TICRR: variants seen among roughly 807,000 people sequenced by gnomAD.
The protein encoded by TICRR is TOPBP1 interacting checkpoint and replication regulator, also known as treslin.
A neutral mutation model predicts 178.1 loss-of-function variants in TICRR; 132 were observed. The observed-to-expected ratio is 0.74, with a 90% CI of 0.64 to 0.86. The LOEUF (loss-of-function observed/expected upper bound fraction) is 0.86, where lower values mean the gene tolerates loss of function less well. TICRR is among the 40% of genes least tolerant of loss of function. The pLI is 0.00. For synonymous variants in TICRR, 991 were observed against 900.7 expected, an observed-to-expected ratio of 1.10 and a Z score of -1.79; for missense variants, 2,587 against 2,334.3, an observed-to-expected ratio of 1.11 and a Z score of -2.23.
intron 1 of TICRR, 37 bp downstream of exon 1, chr15:89,576,277 G>A: frequency 2.0e-6 from 3 of 1,496,772 alleles, no homozygotes; most frequent in African/African-American, 1.4e-5. Context: ...TGGCGTGCAC[G>A]GTGCTTTCCT....
At chr15:89,612,919 C>T (rs1408771773) in intron 15 of TICRR, among the ~76,000 whole-genome samples, 1 of 152,194 alleles carries the variant, frequency 6.6e-6, no homozygotes, top group Non-Finnish European at 1.5e-5. Context: ...GTATGCCCAT[C>T]AACACTGATT....
Position 89,575,478 on chromosome 15 carries a change from A to G in TICRR, c.-109A>G, listed in dbSNP as rs1467411673. On this transcript the variant is annotated 5_prime_UTR_variant, in exon 1 of 22. Transcript: ENST00000268138. ...TCCTGGAGAGCGCGGGAGCCTTTCGACCAGGGTCCCAAAGGAAAGCAGTGA... is the reference window on the plus strand; with the variant it reads ...TCCTGGAGAGCGCGGGAGCCTTTCGGCCAGGGTCCCAAAGGAAAGCAGTGA... 8.7e-7 allele frequency: 1 copy of G among 1,146,178 alleles called. No homozygotes were observed. Among genetic ancestry groups the G allele is most frequent in the Non-Finnish European group, 1.2e-6 (1 of 854,856 alleles). 71.0% of individuals were successfully genotyped at this position (1,146,178 alleles called of 1,614,324 possible). A position where few individuals can be genotyped will look rare whatever the true frequency, so the allele number is the denominator to read the frequency against.
chr15:89,601,138 T>TCAC (rs552697289), intron 9 of TICRR, among the ~76,000 whole-genome samples, 160 bp from the exon 10 acceptor site: 107 of 150,792 alleles, frequency 7.1e-4, no homozygotes, highest in African/African-American at 2.5e-3. Context: ...GCAGCTTGAA[T>TCAC]CACCTATTTA....
intron 12 of TICRR, 69 bp downstream of exon 12, chr15:89,602,045 A>G: frequency 2.5e-6 from 4 of 1,571,388 alleles, no homozygotes; most frequent in Admixed American, 1.7e-5. Context: ...TGTTTAAACT[A>G]CAGTCCAGTC....
intron 7 of TICRR, among the ~76,000 whole-genome samples, chr15:89,598,082 G>C (rs1472387199): frequency 6.6e-6 from 1 of 152,120 alleles, no homozygotes; most frequent in Non-Finnish European, 1.5e-5. Context: ...TATTAATCTT[G>C]TATCCTGCAA....
chr15:89,580,813 C>G (rs966118998), intron 1 of TICRR, among the ~76,000 whole-genome samples: 2 of 152,182 alleles, frequency 1.3e-5, no homozygotes, highest in Non-Finnish European at 2.9e-5. Context: ...AGGAGGATCT[C>G]TTGCACCCAG....
At position 89,624,071 on chromosome 15, in the gene TICRR, C is replaced by T; in HGVS notation, c.3761C>T (p.Ala1254Val). Reference protein sequence around the residue: ...IRDPLRTPPRAAAFMGTPQNQ... With the variant: ...IRDPLRTPPRVAAFMGTPQNQ... ...GACCCTCTCAGAACACCTCCGAGAG[C>T]AGCAGCCTTCATGGGCACGCCTCAG... Residue 1254 changes from alanine to valine, a missense_variant, in exon 20 of 22, where the codon GCA (alanine) becomes GTA (valine). Ala to Val is a moderately conservative substitution (Grantham distance 64, BLOSUM62 0). Transcript: ENST00000268138. 6.2e-7 allele frequency: 1 copy of T among 1,613,970 alleles called. No individual in the cohort carries two copies. The highest frequency in any genetic ancestry group is 1.1e-5 in the South Asian group (1 of 91,062).
rs1039681281 is a variant in TICRR, at chr15:89,623,991, C to T, written c.3681C>T (p.Ala1227=). Residue 1227 remains alanine (A), a synonymous_variant, in exon 20 of 22, where the codon GCC becomes GCT. Coordinates refer to ENST00000268138, the MANE Select transcript of TICRR (RefSeq NM_152259.4). ...GTCCAGAAAGCCCCTCCTGTCCAGC[C>T]CCTCCAACTTCATCGACTGCCCAGC... The part of the protein sequence containing the change: ...NSSPESPSCP[A]PPTSSTAQPR... 6.2e-7 allele frequency: 1 copy of T among 1,613,866 alleles called. No homozygotes were observed. Among genetic ancestry groups the T allele is most frequent in the African/African-American group, 1.3e-5 (1 of 74,864 alleles).
intron 18 of TICRR, among the ~76,000 whole-genome samples, chr15:89,620,586 C>G (rs1963407251): frequency 1.3e-5 from 2 of 152,124 alleles, no homozygotes; most frequent in Non-Finnish European, 2.9e-5. Context: ...GGTTAATATG[C>G]CGTCTTACTA....
rs368018768 is a variant in TICRR, at chr15:89,624,066, G to A, written c.3756G>A (p.Pro1252=). ...TCAGAGACCCTCTCAGAACACCTCC[G>A]AGAGCAGCAGCCTTCATGGGCACGC... ...TPIRDPLRTP[P]RAAAFMGTPQ... The change falls in exon 20 of 22, where the codon CCG becomes CCA. Residue 1252 remains proline (P), a synonymous_variant. Coordinates refer to ENST00000268138, the MANE Select transcript of TICRR (RefSeq NM_152259.4). The A allele has an allele frequency of 2.2e-4, 357 of 1,613,696 alleles. 2 individuals are homozygous for A. The African/African-American group carries it at 3.8e-3, about 17-fold the overall frequency.
rs199535151 is a variant in TICRR at position 89,594,542 on chromosome 15, A to C, written c.1669A>C (p.Ser557Arg). The stretch of plus-strand genomic sequence containing the variant: ...ATCCACTATAGCTCATCAAGAAGAC[A>C]GCAAAAAGAAACGTATGTACCTAGA... The part of the protein sequence containing the change: ...EESTIAHQED[S>R]KKKRGVPRTP... Residue 557 changes from serine to arginine, a missense_variant, in exon 6 of 22, where the codon AGC (serine) becomes CGC (arginine). Transcript: ENST00000268138. The C allele has an allele frequency of 3.8e-5, 61 of 1,598,968 alleles. No individual in the cohort carries two copies. The African/African-American group carries it at 6.7e-4, about 18-fold the overall frequency.
intron 7 of TICRR, among the ~76,000 whole-genome samples, chr15:89,598,862 C>G (rs1963045030): frequency 6.6e-6 from 1 of 151,896 alleles, no homozygotes; most frequent in Non-Finnish European, 1.5e-5. Context: ...AGAAAATAAG[C>G]TAGGTGTGGT....
intron 3 of TICRR, 102 bp from the exon 4 acceptor site, chr15:89,585,606 A>T: frequency 1.2e-6 from 1 of 809,800 alleles, no homozygotes; most frequent in Non-Finnish European, 2.0e-6. Flanking sequence ...TTTTCACGTT[A>T]ATAATAATTG....
intron 11 of TICRR, 52 bp downstream of exon 11, chr15:89,601,620 T>C (rs4932233): frequency 0.89 from 1,431,118 of 1,609,110 alleles, 640,083 homozygotes; most frequent in Non-Finnish European, 0.92. Flanking sequence ...TCAAAACCTA[T>C]GTATGGTGTT....
chr15:89,620,087 A>C lies in TICRR; in HGVS notation c.3154+245A>C, dbSNP rs569572145. Among the ~76,000 whole-genome samples, 3 of 152,352 alleles carry C rather than the reference A, an allele frequency of 2.0e-5. No homozygotes were observed. The South Asian group carries it at 6.2e-4, about 32-fold the overall frequency. On this transcript the variant is annotated intron_variant, in intron 18 of 21. Coordinates refer to ENST00000268138, the MANE Select transcript of TICRR (RefSeq NM_152259.4). ...TAGGTAGCTCATTCATTCAAGAGGA[A>C]GCTACCCATAATTTCCCATAAGGAC...
intron 4 of TICRR, among the ~76,000 whole-genome samples, chr15:89,589,212 G>C (rs1480887095): frequency 3.3e-5 from 5 of 152,146 alleles, no homozygotes; most frequent in African/African-American, 9.7e-5. Context: ...TGACCTGGGG[G>C]TCTAGGGCTT....
At chr15:89,576,792 T>C (rs1962622345) in intron 1 of TICRR, among the ~76,000 whole-genome samples, 1 of 143,186 alleles carries the variant, frequency 7.0e-6, no homozygotes, top group African/African-American at 2.6e-5. Flanking sequence ...TTTAACACAA[T>C]ACCCAGGGGT....
rs1567052930 is a variant in TICRR at position 89,624,091 on chromosome 15, C to T, written c.3781C>T (p.Pro1261Ser). The T allele has an allele frequency of 1.9e-6, 3 of 1,613,860 alleles. No homozygotes were observed. Among genetic ancestry groups the T allele is most frequent in the Non-Finnish European group, 2.5e-6 (3 of 1,179,992 alleles). Residue 1261 changes from proline to serine, a missense_variant, in exon 20 of 22, where the codon CCT (proline) becomes TCT (serine). Transcript: ENST00000268138. ...GAGAGCAGCAGCCTTCATGGGCACGCCTCAGAATCAAACACACCAACAGCC... is the reference window on the plus strand; with the variant it reads ...GAGAGCAGCAGCCTTCATGGGCACGTCTCAGAATCAAACACACCAACAGCC... ...PPRAAAFMGTPQNQTHQQPHV... is the reference protein window; with the variant it reads ...PPRAAAFMGTSQNQTHQQPHV...
At chr15:89,613,518 G>A (rs755899927) in intron 15 of TICRR, among the ~76,000 whole-genome samples, 2 of 151,994 alleles carry the variant, frequency 1.3e-5, no homozygotes, top group Non-Finnish European at 2.9e-5. Context: ...CTTCCTTTCT[G>A]TCCTTTCCTT....
Sources: allele counts gnomAD v4.1 joint callset (sites outside exome capture counted in the v4.1 genomes callset), GRCh38; gene constraint gnomAD v4.1.1; transcripts MANE v1.5; gene names NCBI Gene and HGNC (gene_info 2026-07-23, HGNC 2026-07-21).